Variants in HIPK2 observed in about 807,000 individuals in gnomAD.
HIPK2 encodes the protein homeodomain-interacting protein kinase 2.
HIPK2 carries 27 observed loss-of-function variants against 113.7 expected under a neutral mutation model. The ratio of observed to expected loss-of-function variants is 0.24; its 90% CI spans 0.17 to 0.33. HIPK2 has a LOEUF of 0.33. Among genes scored for constraint, HIPK2 ranks in the 10% least tolerant of loss-of-function variants. The pLI is 1.00. For missense variants in HIPK2, 1,257 were observed against 1,588.0 expected (o/e 0.79, Z 3.54); for synonymous variants, 631 against 642.2 (o/e 0.98, Z 0.26).
chr7:139,756,455 C>T (rs905337103), intron 1 of HIPK2, among the ~76,000 whole-genome samples: 9 of 152,182 alleles, frequency 5.9e-5, no homozygotes, highest in African/African-American at 1.7e-4. Context: ...GACGGAGTCT[C>T]GCTCTGTCAC....
rs1416803384 is a variant in HIPK2 at position 139,613,326 on chromosome 7, G to T, written c.1991-3C>A. 1 of 1,613,078 alleles carries T rather than the reference G, an allele frequency of 6.2e-7. No homozygotes were observed. Among genetic ancestry groups the T allele is most frequent in the Admixed American group, 1.7e-5 (1 of 59,950 alleles). On this transcript the variant is annotated splice_region_variant and splice_polypyrimidine_tract_variant and intron_variant, in intron 8 of 14. Transcript: ENST00000406875. The surrounding 1 kb of genome is among the most constrained non-coding windows in gnomAD (Gnocchi z 4.2). ...CTTAGAGGGAGAGGCCTGCAAGCCT[G>T]TTCCAGACAGTGTGAGGGAGAGAAG...
chr7:139,605,589 TG>T (rs1165814492), intron 9 of HIPK2, among the ~76,000 whole-genome samples: 1 of 152,140 alleles, frequency 6.6e-6, no homozygotes, highest in African/African-American at 2.4e-5. Flanking sequence ...TAAAAAACAT[TG>T]ACGCTTATAA....
Position 139,633,627 on chromosome 7 carries a change from C to T in HIPK2, c.1104-1902G>A, listed in dbSNP as rs147693336. 6.8e-3 allele frequency among the ~76,000 whole-genome samples: 982 copies of T among 144,250 alleles called. 27 individuals carry two copies. Among genetic ancestry groups the T allele is most frequent in the Admixed American group, 0.062 (896 of 14,390 alleles). The allele number at this position is 144,250 out of a possible 152,430, so 94.6% of individuals were successfully genotyped here. On this transcript the variant is annotated intron_variant, in intron 2 of 14. Coordinates refer to ENST00000406875, the MANE Select transcript of HIPK2 (RefSeq NM_022740.5). ...AGGAGTTTCAGACCAGCCTGGGCAA[C>T]AGAGTGAGACCCTGTTTCTTAAAAA... is the stretch of plus-strand genomic sequence containing the variant.
chr7:139,775,418 A>G (rs182811360), intron 1 of HIPK2, among the ~76,000 whole-genome samples: 1 of 152,178 alleles, frequency 6.6e-6, no homozygotes, highest in East Asian at 1.9e-4. Context: ...TTTCAAAAAC[A>G]CCCAGATCTG....
At chr7:139,680,969 T>A (rs999778306) in intron 2 of HIPK2, among the ~76,000 whole-genome samples, 1 of 152,258 alleles carries the variant, frequency 6.6e-6, no homozygotes, top group Non-Finnish European at 1.5e-5. Flanking sequence ...GGGTTTCCTG[T>A]GGAGAACATC....
chr7:139,644,388 C>T (rs982453597), intron 2 of HIPK2, among the ~76,000 whole-genome samples: 4 of 152,188 alleles, frequency 2.6e-5, no homozygotes, highest in African/African-American at 9.7e-5. Flanking sequence ...AGGTGACATG[C>T]AGCCTGCACA....
chr7:139,631,793 C>A lies in HIPK2; in HGVS notation c.1104-68G>T. On this transcript the variant is annotated intron_variant, in intron 2 of 14. Coordinates refer to ENST00000406875, the MANE Select transcript of HIPK2 (RefSeq NM_022740.5). The surrounding 1 kb of genome is among the most constrained non-coding windows in gnomAD (Gnocchi z 4.9). ...GCAGGAAGCTGTTTCTATATGAATA[C>A]TATCTTTCAAACCTGGGGTGCCATT... is the stretch of plus-strand genomic sequence containing the variant. 6.6e-7 allele frequency: 1 copy of A among 1,520,946 alleles called. No homozygotes were observed. Among genetic ancestry groups the A allele is most frequent in the South Asian group, 1.3e-5 (1 of 77,410 alleles). The allele number at this position is 1,520,946 out of a possible 1,614,324, so 94.2% of individuals were successfully genotyped here.
chr7:139,602,418 G>C (rs570007604), intron 10 of HIPK2, among the ~76,000 whole-genome samples: 22 of 152,310 alleles, frequency 1.4e-4, no homozygotes, highest in Admixed American at 9.1e-4. Context: ...ACCAGGAAGA[G>C]AGTATGCTGG....
chr7:139,694,204 A>G (rs1794497692), intron 2 of HIPK2, among the ~76,000 whole-genome samples: 1 of 152,178 alleles, frequency 6.6e-6, no homozygotes, highest in South Asian at 2.1e-4. Context: ...CTGACTCATG[A>G]AATAAACGGA....
chr7:139,684,284 A>C (rs1166680573), intron 2 of HIPK2, among the ~76,000 whole-genome samples: 1 of 152,148 alleles, frequency 6.6e-6, no homozygotes, highest in Non-Finnish European at 1.5e-5. Context: ...CTCTTCTCTG[A>C]GATACAATAA....
In HIPK2 at chr7:139,563,208, A is replaced by G. The variant is rs1797997579; in HGVS notation, c.*9719T>C. The G allele has an allele frequency of 6.6e-6, 1 of 152,524 alleles. No homozygotes were observed. Among genetic ancestry groups the G allele is most frequent in the Non-Finnish European group, 1.5e-5 (1 of 68,048 alleles). 9.4% of individuals were successfully genotyped at this position (152,524 alleles called of 1,614,324 possible). ...GATGCACATGGTCAAGTCACTTTCT[A>G]CTTCCCAAGTTCCTCCTTATAACCT... is the stretch of plus-strand genomic sequence containing the variant. On this transcript the variant is annotated 3_prime_UTR_variant, in exon 15 of 15. Transcript: ENST00000406875.
chr7:139,740,611 G>A (rs1796073997), intron 1 of HIPK2, among the ~76,000 whole-genome samples: 1 of 152,202 alleles, frequency 6.6e-6, no homozygotes, highest in Non-Finnish European at 1.5e-5. Context: ...AAATCAGAGA[G>A]CAACTAGACA....
At chr7:139,617,214 T>C (rs1276833265) in intron 7 of HIPK2, among the ~76,000 whole-genome samples, 2 of 152,078 alleles carry the variant, frequency 1.3e-5, no homozygotes, top group Non-Finnish European at 2.9e-5. Flanking sequence ...AGCTGACAGA[T>C]AGTAATAACA....
chr7:139,769,104 A>T (rs752760490), intron 1 of HIPK2, among the ~76,000 whole-genome samples: 1 of 152,230 alleles, frequency 6.6e-6, no homozygotes. Flanking sequence ...AGTTTTCCTG[A>T]TCCTAGATCA....
At chr7:139,728,384 T>A (rs1193044986) in intron 1 of HIPK2, among the ~76,000 whole-genome samples, 1 of 152,066 alleles carries the variant, frequency 6.6e-6, no homozygotes, top group Non-Finnish European at 1.5e-5. Context: ...GAAGCTGGAG[T>A]CCAAGACCAA....
At chr7:139,645,532 C>G (rs965710887) in intron 2 of HIPK2, among the ~76,000 whole-genome samples, 1 of 152,190 alleles carries the variant, frequency 6.6e-6, no homozygotes, top group Non-Finnish European at 1.5e-5. Flanking sequence ...ACTGAGAAAG[C>G]AGGGCCGAAA....
intron 5 of HIPK2, among the ~76,000 whole-genome samples, chr7:139,627,677 A>G (rs1173776437): frequency 6.6e-6 from 1 of 152,228 alleles, no homozygotes; most frequent in Non-Finnish European, 1.5e-5. Context: ...ATTTTTGGTT[A>G]TAGTCATCTA....
chr7:139,584,323 C>T (rs912605197), intron 12 of HIPK2, among the ~76,000 whole-genome samples: 6 of 152,086 alleles, frequency 3.9e-5, no homozygotes, highest in Non-Finnish European at 7.4e-5. Context: ...GAGTGAGATG[C>T]TTCCGGGCTG....
At chr7:139,610,733 C>G (rs184784464) in intron 9 of HIPK2, among the ~76,000 whole-genome samples, 9 of 152,280 alleles carry the variant, frequency 5.9e-5, no homozygotes, top group African/African-American at 2.2e-4. Flanking sequence ...TCTGGTTCAA[C>G]TTTTATGTAA....
Sources: gnomAD v4.1 joint callset for allele counts (sites outside exome capture counted in the v4.1 genomes callset) on GRCh38, gnomAD v4.1.1 for gene constraint, Gnocchi (gnomAD v3.1) non-coding constraint, MANE v1.5 for transcripts, NCBI Gene and HGNC (gene_info 2026-07-23, HGNC 2026-07-21) for gene names.